CEP85L: variants seen among roughly 807,000 people sequenced by gnomAD.
CEP85L encodes the protein centrosomal protein of 85 kDa-like.
A neutral mutation model predicts 100.3 loss-of-function variants in CEP85L; 60 were observed. The ratio of observed to expected loss-of-function variants is 0.60; its 90% CI spans 0.49 to 0.74. CEP85L has a LOEUF of 0.74. Ranked by LOEUF, CEP85L falls within the 30% of genes least tolerant of loss-of-function variation. The pLI, the probability that CEP85L is intolerant of heterozygous loss-of-function variation, is 0.00. For missense variants in CEP85L, 973 were observed against 936.2 expected (o/e 1.04, Z -0.51); for synonymous variants, 319 against 322.7 (o/e 0.99, Z 0.12).
At chr6:118,577,494 G>A (rs192827750) in intron 2 of CEP85L, among the ~76,000 whole-genome samples, 4 of 152,122 alleles carry the variant, frequency 2.6e-5, no homozygotes, top group African/African-American at 7.2e-5. Context: ...AAATCAAATC[G>A]CTGCAGGATT....
intron 2 of CEP85L, among the ~76,000 whole-genome samples, chr6:118,620,721 A>G (rs1341117910): frequency 2.0e-5 from 3 of 152,178 alleles, no homozygotes; most frequent in African/African-American, 7.2e-5. Flanking sequence ...CCTGGACACC[A>G]GCACGGTCTT....
At chr6:118,514,382 G>C (rs1436357160) in intron 4 of CEP85L, among the ~76,000 whole-genome samples, 1 of 151,890 alleles carries the variant, frequency 6.6e-6, no homozygotes, top group Non-Finnish European at 1.5e-5. Context: ...AAAATTAGCT[G>C]GTCATGGTGA....
At chr6:118,479,956 T>G (rs1338382199) in intron 9 of CEP85L, 35 bp from the exon 10 acceptor site, 4 of 1,091,856 alleles carry the variant, frequency 3.7e-6, no homozygotes, top group Admixed American at 2.3e-5. Context: ...TTCAAATAAT[T>G]TTTACATCGC....
intron 3 of CEP85L, among the ~76,000 whole-genome samples, chr6:118,543,976 C>G (rs1183877652): frequency 1.3e-5 from 2 of 152,158 alleles, no homozygotes; most frequent in Non-Finnish European, 2.9e-5. Flanking sequence ...ATTTCACAAT[C>G]TGCATTTGGT....
chr6:118,473,949 C>G (rs1773160233), intron 10 of CEP85L, among the ~76,000 whole-genome samples: 1 of 151,966 alleles, frequency 6.6e-6, no homozygotes, highest in Non-Finnish European at 1.5e-5. Flanking sequence ...AAAAAAGAGC[C>G]TTTTTTAATG....
At chr6:118,545,219 G>A (rs770778399) in intron 3 of CEP85L, among the ~76,000 whole-genome samples, 4 of 152,030 alleles carry the variant, frequency 2.6e-5, no homozygotes, top group South Asian at 2.1e-4. Flanking sequence ...TTCGCCCTCC[G>A]GATACACCAC....
chr6:118,600,341 G>GTGTGTGTGTGTGTGTGTT (rs1562297934), intron 2 of CEP85L, among the ~76,000 whole-genome samples: 18 of 134,244 alleles, frequency 1.3e-4, no homozygotes, highest in African/African-American at 5.0e-4. Flanking sequence ...GTGTGTGTGT[G>GTGTGTGTGTGTGTGTGTT]TGTGTGTGTG....
chr6:118,511,104 G>A (rs1455562813), intron 5 of CEP85L, among the ~76,000 whole-genome samples, 194 bp downstream of exon 5: 1 of 152,198 alleles, frequency 6.6e-6, no homozygotes, highest in African/African-American at 2.4e-5. Flanking sequence ...GTTCCTGTAT[G>A]TGTGTGGAGA....
At chr6:118,606,866 C>G (rs768833063) in intron 2 of CEP85L, among the ~76,000 whole-genome samples, 1 of 152,062 alleles carries the variant, frequency 6.6e-6, no homozygotes, top group Admixed American at 6.5e-5. Context: ...CAAAACTTTA[C>G]AGAGGAGATA....
chr6:118,582,584 G>A (rs781759395), intron 2 of CEP85L, among the ~76,000 whole-genome samples: 10 of 152,164 alleles, frequency 6.6e-5, no homozygotes, highest in East Asian at 3.8e-4. Context: ...CCCCAATAAC[G>A]CAGGAAATGA....
intron 1 of CEP85L, among the ~76,000 whole-genome samples, chr6:118,665,447 T>C (rs1776105340): frequency 6.6e-6 from 1 of 152,048 alleles, no homozygotes; most frequent in South Asian, 2.1e-4. Flanking sequence ...CAGCCTCAAC[T>C]TCCCAGGCTC....
intron 1 of CEP85L, among the ~76,000 whole-genome samples, chr6:118,633,213 T>G (rs1168513746): frequency 6.6e-6 from 1 of 151,828 alleles, no homozygotes. Flanking sequence ...TTTGTCTTTT[T>G]TTTTTTTTGA....
chr6:118,465,602 A>AT (rs767710925), intron 12 of CEP85L, 34 bp from the exon 13 acceptor site: 3 of 1,595,404 alleles, frequency 1.9e-6, no homozygotes, highest in East Asian at 2.2e-5. Context: ...AATATCTCAC[A>AT]TTTTTTTGAA....
In CEP85L at chr6:118,467,194, G is replaced by C. The variant is rs560172497; in HGVS notation, c.2255-1626C>G. ...GGAATATAATCTGGAGCCCAGAGGA[G>C]ATAAATGTCTGGGTAAAGGAGATAA... On this transcript the variant is annotated intron_variant, in intron 12 of 12. Transcript: ENST00000368491. 1.5e-4 allele frequency among the ~76,000 whole-genome samples: 23 copies of C among 152,254 alleles called. No individual in the cohort carries two copies. The South Asian group carries it at 4.8e-3, about 32-fold the overall frequency.
intron 5 of CEP85L, among the ~76,000 whole-genome samples, chr6:118,492,595 C>T (rs1179456764): frequency 6.6e-6 from 1 of 152,086 alleles, no homozygotes; most frequent in East Asian, 1.9e-4. Context: ...TTCCTTCAAA[C>T]AAATCAGCAT....
intron 3 of CEP85L, among the ~76,000 whole-genome samples, chr6:118,562,213 G>C (rs560876368): frequency 6.6e-6 from 1 of 151,872 alleles, no homozygotes; most frequent in Non-Finnish European, 1.5e-5. Flanking sequence ...CCAGAACAGG[G>C]TACAAAAATA....
In CEP85L at chr6:118,460,901, T is replaced by C. The variant is rs1772196954; in HGVS notation, c.*4504A>G. On this transcript the variant is annotated 3_prime_UTR_variant, in exon 13 of 13. Coordinates refer to ENST00000368491, the MANE Select transcript of CEP85L (RefSeq NM_001042475.3). ...AATTTAATAAATAGAACTTTGGCAT[T>C]CAAAATTCTAGCTGTAAACCCTATT... 1 of 152,086 alleles carries C rather than the reference T, an allele frequency of 6.6e-6. No homozygotes were observed. The highest frequency in any genetic ancestry group is 1.5e-5 in the Non-Finnish European group (1 of 67,996). The allele number at this position is 152,086 out of a possible 1,614,324, so 9.4% of individuals were successfully genotyped here.
intron 6 of CEP85L, among the ~76,000 whole-genome samples, chr6:118,488,711 C>G (rs996881139): frequency 2.0e-5 from 3 of 151,936 alleles, no homozygotes; most frequent in Non-Finnish European, 4.4e-5. Flanking sequence ...CCAGGGGACC[C>G]AATGGAACCC....
Position 118,491,845 on chromosome 6 carries a change from T to A in CEP85L, c.1278A>T (p.Ser426=), listed in dbSNP as rs1022578854. 3.8e-5 allele frequency: 61 copies of A among 1,606,922 alleles called. No homozygotes were observed. Among genetic ancestry groups the A allele is most frequent in the Non-Finnish European group, 5.1e-5 (60 of 1,177,750 alleles). ...ATTCCTCTGAAAATGGTGTCTGGAG[T>A]GAAGTGTTCTCATATTGTGGCTGTT... The part of the protein sequence containing the change: ...ASLQPQYENT[S]LQTPFSEESV... The change falls in exon 6 of 13, where the codon TCA becomes TCT. Residue 426 remains serine (S), a synonymous_variant. Transcript: ENST00000368491.
Sources: allele counts gnomAD v4.1 joint callset (sites outside exome capture counted in the v4.1 genomes callset), GRCh38; gene constraint gnomAD v4.1.1; transcripts MANE v1.5; gene names NCBI Gene and HGNC (gene_info 2026-07-23, HGNC 2026-07-21).